Variants in DNAH11 observed in about 807,000 individuals in gnomAD.
DNAH11 encodes the protein dynein axonemal heavy chain 11, also known as axonemal beta dynein heavy chain 11.
DNAH11 carries 442 observed loss-of-function variants against 526.0 expected under a neutral mutation model. That is an observed-to-expected ratio of 0.84 (90% CI 0.78 to 0.91). The LOEUF (loss-of-function observed/expected upper bound fraction) is 0.91, where lower values mean the gene tolerates loss of function less well. Among genes scored for constraint, DNAH11 ranks in the 40% least tolerant of loss-of-function variants. The probability of loss-of-function intolerance (pLI) is 0.00; values close to 1 mark genes in which losing one functional copy is unlikely to be tolerated. For synonymous variants in DNAH11, 2,461 were observed against 1,935.9 expected, an observed-to-expected ratio of 1.27 and a Z score of -7.12; for missense variants, 6,989 against 5,448.7, an observed-to-expected ratio of 1.28 and a Z score of -8.90.
In DNAH11 at chr7:21,600,807, T is replaced by A. The variant is rs1008272202; in HGVS notation, c.3132T>A (p.Asp1044Glu). ...CCCACACTTACCTCTGGGTGGATGA[T>A]CGAGCTGAGTTTATGAAGCATTTTC... The part of the protein sequence containing the change: ...LETHTYLWVD[D>E]RAEFMKHFLL... Residue 1044 changes from aspartate to glutamate, a missense_variant, in exon 16 of 82, where the codon GAT (aspartate) becomes GAA (glutamate). Physicochemically the swap from Asp to Glu is conservative, Grantham distance 45 (BLOSUM62 2). Transcript: ENST00000409508. 1 of 1,613,802 alleles carries A rather than the reference T, an allele frequency of 6.2e-7. No individual in the cohort carries two copies. The highest frequency in any genetic ancestry group is 8.5e-7 in the Non-Finnish European group (1 of 1,179,848).
chr7:21,816,651 T>A lies in DNAH11; in HGVS notation c.10517T>A (p.Ile3506Asn), dbSNP rs1474823040. Residue 3506 changes from isoleucine (I) to asparagine (N), a missense_variant, in exon 64 of 82, where the codon ATC becomes AAC. Ile to Asn is a moderately radical substitution (Grantham distance 149). Coordinates refer to ENST00000409508, the MANE Select transcript of DNAH11 (RefSeq NM_001277115.2). ...IDPQQQGIKW[I>N]KNKYGMDLKV... Reference sequence around the variant, plus strand: ...CCCCAGCAACAGGGAATTAAGTGGATCAAGAATAAGTATGGAATGGACCTG... The same window carrying A: ...CCCCAGCAACAGGGAATTAAGTGGAACAAGAATAAGTATGGAATGGACCTG... 1 of 1,613,624 alleles carries A rather than the reference T, an allele frequency of 6.2e-7. No individual in the cohort carries two copies. Among genetic ancestry groups the A allele is most frequent in the Admixed American group, 1.7e-5 (1 of 59,952 alleles).
At chr7:21,752,762 G>T (rs1786467412) in intron 54 of DNAH11, among the ~76,000 whole-genome samples, 2 of 151,986 alleles carry the variant, frequency 1.3e-5, no homozygotes. Flanking sequence ...GCCCAGGCTG[G>T]AATGCAATGG....
chr7:21,716,913 A>T (rs1438479205), intron 42 of DNAH11, among the ~76,000 whole-genome samples: 1 of 152,218 alleles, frequency 6.6e-6, no homozygotes, highest in African/African-American at 2.4e-5. Flanking sequence ...CGTTTGTCAG[A>T]TAATCATCTT....
intron 21 of DNAH11, 146 bp from the exon 22 acceptor site, chr7:21,616,063 A>G: frequency 1.6e-6 from 1 of 609,438 alleles, no homozygotes; most frequent in Non-Finnish European, 2.9e-6. Flanking sequence ...GTGATAGGGA[A>G]GTTTTGACAA....
At position 21,779,038 on chromosome 7, in the gene DNAH11, A is replaced by G. The variant is rs746800983; in HGVS notation, c.9417A>G (p.Thr3139=). The G allele has an allele frequency of 1.9e-5, 31 of 1,613,388 alleles. No individual in the cohort carries two copies. Among genetic ancestry groups the G allele is most frequent in the Non-Finnish European group, 2.5e-5 (29 of 1,179,614 alleles). ...LRNHDAEALI[T]KIGLQTEKVS... The stretch of plus-strand genomic sequence containing the variant: ...ATCATGATGCCGAAGCTCTGATCAC[A>G]AAGATCGGCCTTCAGACGGAGAAAG... Residue 3139 remains threonine, a synonymous_variant, in exon 57 of 82, where the codon ACA becomes ACG. Transcript: ENST00000409508.
In DNAH11 at chr7:21,717,761, G is replaced by A. The variant is rs371455271; in HGVS notation, c.6984-14G>A. The A allele has an allele frequency of 1.2e-6, 2 of 1,613,354 alleles. No homozygotes were observed. Among genetic ancestry groups the A allele is most frequent in the African/African-American group, 2.7e-5 (2 of 74,896 alleles). The stretch of plus-strand genomic sequence containing the variant: ...CCTAGTGTTCAATAAAAGCTTTTCT[G>A]TGTTCCTTTTCAGGTATGTGGCCAG... On this transcript the variant is annotated splice_polypyrimidine_tract_variant and intron_variant, in intron 42 of 81. Transcript: ENST00000409508.
chr7:21,617,432 G>A (rs1785829286), intron 22 of DNAH11, among the ~76,000 whole-genome samples, 187 bp from the exon 23 acceptor site: 1 of 152,200 alleles, frequency 6.6e-6, no homozygotes, highest in Non-Finnish European at 1.5e-5. Flanking sequence ...TGTACGGAGT[G>A]GGCTTGTAAT....
In DNAH11 at chr7:21,717,705, C is replaced by A; in HGVS notation, c.6984-70C>A. ...CACCAAGCTGTGTCAAAGGAGGAAG[C>A]TTTTGACTTGGTGAAATTCTGCTTT... On this transcript the variant is annotated intron_variant, in intron 42 of 81. Coordinates refer to ENST00000409508, the MANE Select transcript of DNAH11 (RefSeq NM_001277115.2). 2.5e-6 allele frequency: 4 copies of A among 1,583,472 alleles called. No individual in the cohort carries two copies. The African/African-American group carries it at 5.4e-5, about 21-fold the overall frequency.
chr7:21,793,397 C>T (rs1041719548), intron 61 of DNAH11, among the ~76,000 whole-genome samples: 1 of 152,110 alleles, frequency 6.6e-6, no homozygotes, highest in African/African-American at 2.4e-5. Context: ...GTGGGCAGAT[C>T]ATGAGGTCAG....
At chr7:21,604,792 T>A (rs1173482515) in intron 18 of DNAH11, among the ~76,000 whole-genome samples, 2 of 152,194 alleles carry the variant, frequency 1.3e-5, no homozygotes, top group Non-Finnish European at 2.9e-5. Context: ...TCCTCCTGGC[T>A]TCCCAGCCAT....
In DNAH11 at chr7:21,711,715, C is replaced by G; in HGVS notation, c.6838C>G (p.Leu2280Val). The change falls in exon 42 of 82, where the codon CTG becomes GTG. Residue 2280 changes from leucine to valine, a missense_variant. Physicochemically the swap from Leu to Val is conservative, Grantham distance 32. Coordinates refer to ENST00000409508, the MANE Select transcript of DNAH11 (RefSeq NM_001277115.2). The stretch of plus-strand genomic sequence containing the variant: ...GACAGTGTGCTGCTCACTCCAGGTG[C>G]TGACCCTCGCCAGCAATGAGCGCAT... ...LNTVMDDNKV[L>V]TLASNERIAL... 6.2e-7 allele frequency: 1 copy of G among 1,613,462 alleles called. No homozygotes were observed. Among genetic ancestry groups the G allele is most frequent in the Non-Finnish European group, 8.5e-7 (1 of 1,179,560 alleles).
intron 65 of DNAH11, among the ~76,000 whole-genome samples, chr7:21,823,139 T>A (rs1487820138): frequency 6.6e-6 from 1 of 152,094 alleles, no homozygotes; most frequent in East Asian, 1.9e-4. Context: ...TAATCCCATT[T>A]GTATATTGTT....
intron 57 of DNAH11, 71 bp from the exon 58 acceptor site, chr7:21,784,356 C>A: frequency 8.6e-7 from 1 of 1,158,180 alleles, no homozygotes; most frequent in Non-Finnish European, 1.3e-6. Context: ...TCTGAGTCAA[C>A]CTCCATTTTT....
chr7:21,591,048 A>G, intron 13 of DNAH11, 26 bp downstream of exon 13: 1 of 1,425,668 alleles, frequency 7.0e-7, no homozygotes. Flanking sequence ...TAAAAAAAAG[A>G]TACTAGGGCC....
intron 65 of DNAH11, among the ~76,000 whole-genome samples, chr7:21,833,428 C>T (rs11972218): frequency 0.074 from 11,316 of 152,174 alleles, 1,289 homozygotes; most frequent in African/African-American, 0.25. Context: ...CACAGTGGCT[C>T]ATGCCTGTAA....
At chr7:21,629,648 A>G (rs1026552109) in intron 25 of DNAH11, among the ~76,000 whole-genome samples, 1 of 152,060 alleles carries the variant, frequency 6.6e-6, no homozygotes. Context: ...TCTCTTGCCT[A>G]ATTGGTTCCT....
In DNAH11 at chr7:21,784,426, G is replaced by A. The variant is rs1246424922; in HGVS notation, c.9484-1G>A. Reference sequence around the variant, plus strand: ...TTTGTGTGCTTTTCCTCTTTAATTAGGTGACAGCCATTCAGACTGAAGTGT... The same window carrying A: ...TTTGTGTGCTTTTCCTCTTTAATTAAGTGACAGCCATTCAGACTGAAGTGT... On this transcript the variant is annotated splice_acceptor_variant, in intron 57 of 81. Coordinates refer to ENST00000409508, the MANE Select transcript of DNAH11 (RefSeq NM_001277115.2). LOFTEE classifies it high-confidence loss of function. The A allele has an allele frequency of 6.2e-7, 1 of 1,610,428 alleles. No homozygotes were observed. Among genetic ancestry groups the A allele is most frequent in the Non-Finnish European group, 8.5e-7 (1 of 1,177,700 alleles).
At chr7:21,545,201 G>A in intron 2 of DNAH11, 52 bp downstream of exon 2, 1 of 1,330,492 alleles carries the variant, frequency 7.5e-7, no homozygotes, top group Non-Finnish European at 9.9e-7. Context: ...CATGACATTT[G>A]AAATTATTTA....
chr7:21,761,534 C>T (rs953789581), intron 54 of DNAH11, among the ~76,000 whole-genome samples: 2 of 152,170 alleles, frequency 1.3e-5, no homozygotes, highest in African/African-American at 4.8e-5. Context: ...AACTATTAGG[C>T]TATCACTGTG....
Sources: allele counts gnomAD v4.1 joint callset (sites outside exome capture counted in the v4.1 genomes callset), GRCh38; gene constraint gnomAD v4.1.1; transcripts MANE v1.5; gene names NCBI Gene and HGNC (gene_info 2026-07-23, HGNC 2026-07-21).